The following CLSTN2 variants were observed in gnomAD, a reference collection of about 807,000 sequenced individuals.
CLSTN2 encodes calsyntenin-2.
Under a neutral mutation model 101.2 loss-of-function variants are expected in CLSTN2, and 48 were observed. The observed-to-expected ratio is 0.47, with a 90% CI of 0.38 to 0.60. The LOEUF (loss-of-function observed/expected upper bound fraction) is 0.60. Ranked by LOEUF, CLSTN2 falls within the 20% of genes least tolerant of loss-of-function variation. The pLI is 0.00. For missense variants in CLSTN2, 1,160 were observed against 1,238.2 expected (o/e 0.94, Z 0.95); for synonymous variants, 481 against 463.6 (o/e 1.04, Z -0.48).
At chr3:140,273,568 T>C (rs968403472) in intron 2 of CLSTN2, among the ~76,000 whole-genome samples, 1 of 152,128 alleles carries the variant, frequency 6.6e-6, no homozygotes, top group Non-Finnish European at 1.5e-5. Context: ...CAGAGGAACA[T>C]CTGTATAAGC....
In CLSTN2 at chr3:140,016,268, A is replaced by G. The variant is rs2007199174; in HGVS notation, c.109+80785A>G. Among the ~76,000 whole-genome samples the G allele has an allele frequency of 3.3e-5, 5 of 152,240 alleles. No homozygotes were observed. The South Asian group carries it at 1.0e-3, about 32-fold the overall frequency. On this transcript the variant is annotated intron_variant, in intron 1 of 16. Coordinates refer to ENST00000458420, the MANE Select transcript of CLSTN2 (RefSeq NM_022131.3). Reference sequence around the variant, plus strand: ...TGGAATCCCTCAGTCTGCCAGGCCAAGAAATCTGGCAAACCAGTGATTTTC... The same window carrying G: ...TGGAATCCCTCAGTCTGCCAGGCCAGGAAATCTGGCAAACCAGTGATTTTC...
chr3:140,129,077 A>T (rs1255055315), intron 1 of CLSTN2, among the ~76,000 whole-genome samples: 3 of 152,154 alleles, frequency 2.0e-5, no homozygotes, highest in African/African-American at 7.2e-5. Context: ...CAGCTCCTGG[A>T]AACTGAGTGG....
intron 2 of CLSTN2, among the ~76,000 whole-genome samples, chr3:140,183,604 G>A (rs1356447073): frequency 1.3e-5 from 2 of 152,172 alleles, no homozygotes; most frequent in Non-Finnish European, 2.9e-5. Context: ...AGAAACAGGT[G>A]CCCCTTCTTA....
At chr3:140,481,228 G>C (rs898616698) in intron 8 of CLSTN2, among the ~76,000 whole-genome samples, 2 of 152,030 alleles carry the variant, frequency 1.3e-5, no homozygotes, top group African/African-American at 2.4e-5. Flanking sequence ...TCTTGTTTTT[G>C]TCAGGTTTGT....
chr3:140,469,611 A>C (rs1162658691), intron 8 of CLSTN2, among the ~76,000 whole-genome samples: 1 of 152,048 alleles, frequency 6.6e-6, no homozygotes, highest in Non-Finnish European at 1.5e-5. Context: ...CTCCATCCCC[A>C]TTCCTACTGT....
chr3:140,264,605 C>T (rs1454091912), intron 2 of CLSTN2, among the ~76,000 whole-genome samples: 2 of 151,708 alleles, frequency 1.3e-5, no homozygotes, highest in African/African-American at 4.8e-5. Flanking sequence ...CCTTTATAGA[C>T]CATAACTGCT....
At chr3:140,168,184 C>T (rs1476384298) in intron 1 of CLSTN2, among the ~76,000 whole-genome samples, 2 of 152,128 alleles carry the variant, frequency 1.3e-5, no homozygotes, top group African/African-American at 4.8e-5. Flanking sequence ...ACATGTTTAT[C>T]AGAACTTGAT....
rs145383898 is a variant in CLSTN2 at position 140,530,882 on chromosome 3, G to T, written c.1345-1442G>T. Among the ~76,000 whole-genome samples the T allele has an allele frequency of 6.5e-4, 99 of 152,332 alleles. 1 individual carries two copies. The highest frequency in any genetic ancestry group is 2.2e-3 in the African/African-American group (91 of 41,582). On this transcript the variant is annotated intron_variant, in intron 8 of 16. Coordinates refer to ENST00000458420, the MANE Select transcript of CLSTN2 (RefSeq NM_022131.3). Reference sequence around the variant, plus strand: ...CAGATACCTCTGGGAATATCCTCAGGATGTGAACCGCATTCCAGGTTACCT... The same window carrying T: ...CAGATACCTCTGGGAATATCCTCAGTATGTGAACCGCATTCCAGGTTACCT...
At chr3:139,963,622 A>T (rs1281732590) in intron 1 of CLSTN2, among the ~76,000 whole-genome samples, 1 of 152,180 alleles carries the variant, frequency 6.6e-6, no homozygotes, top group African/African-American at 2.4e-5. Context: ...CTTAGACTGT[A>T]AGCCTTAGAG....
chr3:140,036,909 G>C (rs569704462), intron 1 of CLSTN2, among the ~76,000 whole-genome samples: 104 of 152,108 alleles, frequency 6.8e-4, no homozygotes, highest in Admixed American at 4.5e-3. Context: ...ATGTAAAAAT[G>C]CTTTTTCAAT....
At chr3:139,941,518 C>T (rs1210308017) in intron 1 of CLSTN2, among the ~76,000 whole-genome samples, 1 of 152,208 alleles carries the variant, frequency 6.6e-6, no homozygotes, top group Non-Finnish European at 1.5e-5. Flanking sequence ...GCACATCACA[C>T]ATCACACAAA....
In CLSTN2 at chr3:140,469,520, T is replaced by C. The variant is rs116011237; in HGVS notation, c.1344+2789T>C. 2.1e-3 allele frequency among the ~76,000 whole-genome samples: 325 copies of C among 152,260 alleles called. 1 individual carries two copies. The highest frequency in any genetic ancestry group is 3.5e-3 in the Non-Finnish European group (241 of 67,994). On this transcript the variant is annotated intron_variant, in intron 8 of 16. Coordinates refer to ENST00000458420, the MANE Select transcript of CLSTN2 (RefSeq NM_022131.3). ...CCCAGAATGTGCATACCTAGTAAGG[T>C]CACCTCCCCCAGGAAGCCATCCTGG...
intron 8 of CLSTN2, among the ~76,000 whole-genome samples, chr3:140,496,425 C>T (rs1220531073): frequency 6.6e-6 from 1 of 152,168 alleles, no homozygotes; most frequent in African/African-American, 2.4e-5. Context: ...GATAACTTGA[C>T]TTCCTCTCTT....
At chr3:140,012,424 C>T (rs1365152) in intron 1 of CLSTN2, among the ~76,000 whole-genome samples, 9,248 of 152,166 alleles carry the variant, frequency 0.061, 356 homozygotes, top group Non-Finnish European at 0.08. Flanking sequence ...GTGGCGATGC[C>T]GTCAAGGTCC....
intron 1 of CLSTN2, among the ~76,000 whole-genome samples, chr3:139,940,622 C>T (rs1203808597): frequency 1.3e-5 from 2 of 152,058 alleles, no homozygotes; most frequent in African/African-American, 2.4e-5. Flanking sequence ...CTCTGTTTCT[C>T]AGTCTCTCTC....
chr3:140,485,301 G>C (rs1004042252), intron 8 of CLSTN2, among the ~76,000 whole-genome samples: 2 of 152,212 alleles, frequency 1.3e-5, no homozygotes, highest in East Asian at 1.9e-4. Context: ...GTTGCTGCCT[G>C]ATTGTTCCTC....
intron 2 of CLSTN2, among the ~76,000 whole-genome samples, chr3:140,382,991 C>T (rs1040725498): frequency 7.2e-5 from 11 of 152,090 alleles, no homozygotes; most frequent in Admixed American, 1.3e-4. Flanking sequence ...CAGCAATAAC[C>T]CTGCTCAAAA....
intron 8 of CLSTN2, among the ~76,000 whole-genome samples, chr3:140,499,816 G>A (rs560085875): frequency 6.6e-6 from 1 of 152,276 alleles, no homozygotes; most frequent in East Asian, 1.9e-4. Context: ...TGTAATCCCA[G>A]CACCTTGGGA....
chr3:140,498,126 T>G (rs771589023), intron 8 of CLSTN2, among the ~76,000 whole-genome samples: 3 of 152,240 alleles, frequency 2.0e-5, no homozygotes, highest in Non-Finnish European at 4.4e-5. Flanking sequence ...ATTGGTCATC[T>G]TGGACTCTCC....
Sources: allele counts gnomAD v4.1 joint callset (sites outside exome capture counted in the v4.1 genomes callset), GRCh38; gene constraint gnomAD v4.1.1; transcripts MANE v1.5; gene names NCBI Gene and HGNC (gene_info 2026-07-23, HGNC 2026-07-21).